The following DNER variants were observed in gnomAD, a reference collection of about 807,000 sequenced individuals.
DNER encodes delta and Notch-like epidermal growth factor-related receptor.
A neutral mutation model predicts 78.2 loss-of-function variants in DNER; 33 were observed. The ratio of observed to expected loss-of-function variants is 0.42; its 90% CI spans 0.32 to 0.56. DNER has a LOEUF of 0.56. DNER is among the 20% of genes least tolerant of loss of function. The pLI, the probability that DNER is intolerant of heterozygous loss-of-function variation, is 0.11. For missense variants in DNER, 918 were observed against 975.3 expected, an observed-to-expected ratio of 0.94 and a Z score of 0.78; for synonymous variants, 417 against 384.8, an observed-to-expected ratio of 1.08 and a Z score of -0.98.
chr2:229,461,185 C>T (rs184995693), intron 7 of DNER, among the ~76,000 whole-genome samples: 153 of 152,216 alleles, frequency 1.0e-3, no homozygotes, highest in Non-Finnish European at 1.9e-3. Context: ...TCCTTTCCCT[C>T]CTTCTCTCTC....
intron 6 of DNER, among the ~76,000 whole-genome samples, chr2:229,502,428 T>C (rs1486475250): frequency 1.3e-5 from 2 of 151,560 alleles, no homozygotes; most frequent in Admixed American, 6.6e-5. Context: ...AAAACTGTAC[T>C]GCTTGTCAAT....
intron 1 of DNER, among the ~76,000 whole-genome samples, chr2:229,639,697 G>T (rs1698584860): frequency 6.6e-6 from 1 of 152,172 alleles, no homozygotes; most frequent in African/African-American, 2.4e-5. Flanking sequence ...ATAGCTAAGA[G>T]CAATGCTCAG....
intron 1 of DNER, among the ~76,000 whole-genome samples, chr2:229,676,383 G>T (rs1041297852): frequency 6.6e-6 from 1 of 152,194 alleles, no homozygotes; most frequent in African/African-American, 2.4e-5. Context: ...CCAAAAGTCA[G>T]TTGTGAAGAT....
At chr2:229,676,110 T>C (rs970541409) in intron 1 of DNER, among the ~76,000 whole-genome samples, 2 of 152,310 alleles carry the variant, frequency 1.3e-5, no homozygotes, top group Admixed American at 6.5e-5. Context: ...CAAGTGTGCA[T>C]GTCTATATTG....
chr2:229,646,904 C>G (rs900657444), intron 1 of DNER, among the ~76,000 whole-genome samples: 2 of 152,268 alleles, frequency 1.3e-5, no homozygotes, highest in African/African-American at 4.8e-5. Context: ...CATGGTGGCT[C>G]ACACCTGTAA....
At chr2:229,622,488 T>C (rs990506916) in intron 1 of DNER, among the ~76,000 whole-genome samples, 7 of 152,024 alleles carry the variant, frequency 4.6e-5, no homozygotes, top group African/African-American at 1.7e-4. Flanking sequence ...TGCGGGTCTT[T>C]GAACTTGATC....
intron 6 of DNER, among the ~76,000 whole-genome samples, chr2:229,504,227 T>TA (rs1001226558): frequency 6.6e-6 from 1 of 152,254 alleles, no homozygotes; most frequent in African/African-American, 2.4e-5. Context: ...TTTATTTACT[T>TA]ACTTATTTTT....
At chr2:229,404,423 T>C (rs2059025) in intron 10 of DNER, among the ~76,000 whole-genome samples, 55,097 of 152,054 alleles carry the variant, frequency 0.36, 10,459 homozygotes, top group African/African-American at 0.45. Context: ...ATCTCATGAG[T>C]ACTCACTCAC....
intron 1 of DNER, among the ~76,000 whole-genome samples, chr2:229,713,936 T>G (rs760601347): frequency 6.6e-6 from 1 of 151,710 alleles, no homozygotes; most frequent in South Asian, 2.1e-4. Flanking sequence ...AGAGCCCGGC[T>G]GGCCCCGCCC....
chr2:229,562,988 C>T (rs1696990147), intron 4 of DNER, among the ~76,000 whole-genome samples: 1 of 151,506 alleles, frequency 6.6e-6, no homozygotes, highest in Admixed American at 6.6e-5. Context: ...ACCCCATCAA[C>T]ATCATCATCA....
chr2:229,382,040 C>A (rs1398133156), intron 11 of DNER, among the ~76,000 whole-genome samples: 1 of 152,194 alleles, frequency 6.6e-6, no homozygotes, highest in East Asian at 1.9e-4. Flanking sequence ...TGGCAGGTGA[C>A]CCTCTGGGAA....
intron 9 of DNER, among the ~76,000 whole-genome samples, chr2:229,414,287 T>A (rs1693595000): frequency 6.6e-6 from 1 of 152,152 alleles, no homozygotes; most frequent in Admixed American, 6.5e-5. Flanking sequence ...AAACACTTTA[T>A]CTGCCCATTG....
At chr2:229,556,886 C>T (rs950008830) in intron 4 of DNER, among the ~76,000 whole-genome samples, 4 of 152,206 alleles carry the variant, frequency 2.6e-5, no homozygotes, top group Non-Finnish European at 5.9e-5. Context: ...ATGTGCTGTT[C>T]ACTCAATAAG....
intron 5 of DNER, among the ~76,000 whole-genome samples, chr2:229,544,596 A>G (rs186193613): frequency 0.019 from 2,850 of 149,854 alleles, 49 homozygotes; most frequent in Non-Finnish European, 0.031. Flanking sequence ...CCAATGGCAC[A>G]ATCTTGGCTC....
chr2:229,389,396 T>C (rs1454129878), intron 10 of DNER, among the ~76,000 whole-genome samples: 1 of 147,228 alleles, frequency 6.8e-6, no homozygotes, highest in Non-Finnish European at 1.5e-5. Flanking sequence ...TCATTAAAGC[T>C]GAAGAGAAGA....
At chr2:229,383,337 T>C (rs574470120) in intron 11 of DNER, among the ~76,000 whole-genome samples, 3 of 152,080 alleles carry the variant, frequency 2.0e-5, no homozygotes, top group Non-Finnish European at 4.4e-5. Flanking sequence ...ATTGACACTA[T>C]GAAAAAACTG....
At chr2:229,668,532 GTGTGTATA>G (rs1447441339) in intron 1 of DNER, among the ~76,000 whole-genome samples, 32 of 3,410 alleles carry the variant, frequency 9.4e-3, no homozygotes, top group Admixed American at 0.033. Flanking sequence ...GTGTGTGTGT[GTGTGTATA>G]TATATATATA....
intron 1 of DNER, among the ~76,000 whole-genome samples, chr2:229,594,947 C>T (rs1333476783): frequency 2.4e-5 from 3 of 124,080 alleles, no homozygotes; most frequent in Admixed American, 9.4e-5. Context: ...GTATAAAATG[C>T]TGTTTAAAAA....
intron 4 of DNER, among the ~76,000 whole-genome samples, chr2:229,550,572 C>G (rs368276266): frequency 6.6e-6 from 1 of 151,808 alleles, no homozygotes; most frequent in Non-Finnish European, 1.5e-5. Context: ...GTCGGGAGAT[C>G]GAGACCATCC....
Sources: allele counts gnomAD v4.1 joint callset (sites outside exome capture counted in the v4.1 genomes callset), GRCh38; gene constraint gnomAD v4.1.1; transcripts MANE v1.5; gene names NCBI Gene and HGNC (gene_info 2026-07-23, HGNC 2026-07-21).